WNK2: variants seen among roughly 807,000 people sequenced by gnomAD.
WNK2 encodes serine/threonine-protein kinase WNK2.
Under a neutral mutation model 192.1 loss-of-function variants are expected in WNK2, and 67 were observed. The ratio of observed to expected loss-of-function variants is 0.35; its 90% CI spans 0.29 to 0.43. The LOEUF (loss-of-function observed/expected upper bound fraction) is 0.43, where lower values mean the gene tolerates loss of function less well. Ranked by LOEUF, WNK2 falls within the 20% of genes least tolerant of loss-of-function variation. The pLI is 1.00. For synonymous variants in WNK2, 1,439 were observed against 1,393.9 expected, an observed-to-expected ratio of 1.03 and a Z score of -0.72; for missense variants, 2,698 against 3,089.7, an observed-to-expected ratio of 0.87 and a Z score of 3.01.
intron 9 of WNK2, among the ~76,000 whole-genome samples, chr9:93,254,532 T>C (rs1235593553): frequency 6.6e-6 from 1 of 152,226 alleles, no homozygotes; most frequent in Admixed American, 6.5e-5. Context: ...GAAAGGCCCT[T>C]TGGAAAAGCA....
At chr9:93,319,193 C>T (rs759371907) in intron 29 of WNK2, 1 of 1,613,224 alleles carries the variant, frequency 6.2e-7, no homozygotes. Flanking sequence ...GAAAAATAAA[C>T]ACTTTTGCTC....
At chr9:93,287,555 T>C (rs1455428440) in intron 19 of WNK2, among the ~76,000 whole-genome samples, 1 of 152,242 alleles carries the variant, frequency 6.6e-6, no homozygotes, top group East Asian at 1.9e-4. Flanking sequence ...ACGACCATCA[T>C]GTTTAGACAG....
chr9:93,242,754 G>A (rs916749671), intron 7 of WNK2, among the ~76,000 whole-genome samples: 1 of 152,202 alleles, frequency 6.6e-6, no homozygotes, highest in Non-Finnish European at 1.5e-5. Flanking sequence ...GGAGTCTCAC[G>A]CACAAATGAG....
At chr9:93,253,107 C>T in intron 9 of WNK2, 25 bp downstream of exon 9, 3 of 1,376,736 alleles carry the variant, frequency 2.2e-6, no homozygotes, top group Non-Finnish European at 2.8e-6. Flanking sequence ...CACTCCCACC[C>T]CCTTCCCCAT....
rs113622552 is a variant in WNK2 at position 93,244,445 on chromosome 9, C to T, written c.1543-3098C>T. Reference sequence around the variant, plus strand: ...TGCGCCTGTGTGGCACTCACCATGGCTAAATGTTTTCCTGTTTGGGAAAAA... The same window carrying T: ...TGCGCCTGTGTGGCACTCACCATGGTTAAATGTTTTCCTGTTTGGGAAAAA... On this transcript the variant is annotated intron_variant, in intron 7 of 29. Coordinates refer to ENST00000427277, the MANE Select transcript of WNK2 (RefSeq NM_006648.4). 5.7e-3 allele frequency among the ~76,000 whole-genome samples: 866 copies of T among 152,254 alleles called. 6 individuals carry two copies. Among genetic ancestry groups the T allele is most frequent in the Middle Eastern group, 0.014 (4 of 294 alleles).
intron 12 of WNK2, among the ~76,000 whole-genome samples, chr9:93,260,800 G>A (rs575411753): frequency 6.6e-6 from 1 of 152,230 alleles, no homozygotes; most frequent in Non-Finnish European, 1.5e-5. Context: ...GCAGGTTTCA[G>A]CGGCAGCTCA....
In WNK2 at chr9:93,185,010, G is replaced by T; in HGVS notation, c.81G>T (p.Ala27=). Residue 27 remains alanine, a synonymous_variant, in exon 2 of 30, where the codon GCG becomes GCT. Coordinates refer to ENST00000427277, the MANE Select transcript of WNK2 (RefSeq NM_006648.4). ...PGRGAGPAGM[A]EPRAKAARPG... is the part of the protein sequence containing the mutation. Reference sequence around the variant, plus strand: ...GCGGCGCGGGGCCCGCGGGCATGGCGGAGCCTCGGGCGAAGGCGGCGCGGC... The same window carrying T: ...GCGGCGCGGGGCCCGCGGGCATGGCTGAGCCTCGGGCGAAGGCGGCGCGGC... 3 of 1,248,320 alleles carry T rather than the reference G, an allele frequency of 2.4e-6. No individual in the cohort carries two copies. The highest frequency in any genetic ancestry group is 3.0e-6 in the Non-Finnish European group (3 of 1,001,270). The allele number at this position is 1,248,320 out of a possible 1,614,324, so 77.3% of individuals were successfully genotyped here. A position where few individuals can be genotyped will look rare whatever the true frequency, so the allele number is the denominator to read the frequency against.
chr9:93,308,246 G>C, intron 27 of WNK2, 82 bp from the exon 28 acceptor site: 4 of 1,490,780 alleles, frequency 2.7e-6, no homozygotes, highest in East Asian at 2.5e-5. Context: ...CAGCTGTCAC[G>C]TAAGAATGAA....
chr9:93,212,375 C>A (rs1834955748), intron 2 of WNK2, among the ~76,000 whole-genome samples: 1 of 152,146 alleles, frequency 6.6e-6, no homozygotes, highest in African/African-American at 2.4e-5. Context: ...GGCCCCCCAG[C>A]AGGACAGCAT....
At chr9:93,212,151 C>T (rs540999784) in intron 2 of WNK2, among the ~76,000 whole-genome samples, 1 of 152,360 alleles carries the variant, frequency 6.6e-6, no homozygotes, top group Non-Finnish European at 1.5e-5. Flanking sequence ...TTAATTCATT[C>T]ACCTAATTTT....
chr9:93,274,467 G>A (rs1392753383), intron 19 of WNK2, among the ~76,000 whole-genome samples: 8 of 148,366 alleles, frequency 5.4e-5, no homozygotes, highest in African/African-American at 2.0e-4. Flanking sequence ...AGTCGAGATC[G>A]TGCCACTGCA....
Position 93,239,023 on chromosome 9 carries a change from G to C in WNK2, c.1322+702G>C, listed in dbSNP as rs555504904. Among the ~76,000 whole-genome samples the C allele has an allele frequency of 6.6e-6, 1 of 152,302 alleles. No homozygotes were observed. The highest frequency in any genetic ancestry group is 6.5e-5 in the Admixed American group (1 of 15,300). ...CTGGAGCACACACAGAGGAAGCCAGGCCCCAAAGAGTGCGTGCTGTGTGGT... is the reference window on the plus strand; with the variant it reads ...CTGGAGCACACACAGAGGAAGCCAGCCCCCAAAGAGTGCGTGCTGTGTGGT... On this transcript the variant is annotated intron_variant, in intron 6 of 29. Transcript: ENST00000427277. The surrounding 1 kb of genome is among the most constrained non-coding windows in gnomAD (Gnocchi z 4.2).
In WNK2 at chr9:93,307,815, G is replaced by A. The variant is rs76877353; in HGVS notation, c.6260-513G>A. ...AGGCAGCCCTGGCAGGCATTTTCCC[G>A]TGGGCCAGGGGGCTGCCTGCAGGCC... On this transcript the variant is annotated intron_variant, in intron 27 of 29. Coordinates refer to ENST00000427277, the MANE Select transcript of WNK2 (RefSeq NM_006648.4). The A allele has an allele frequency of 9.8e-3, 1,501 of 153,424 alleles. 22 individuals carry two copies. The highest frequency in any genetic ancestry group is 0.034 in the African/African-American group (1,414 of 41,602). The allele number at this position is 153,424 out of a possible 1,614,324, so 9.5% of individuals were successfully genotyped here.
chr9:93,268,125 G>C, intron 18 of WNK2, 60 bp downstream of exon 18: 6 of 1,555,976 alleles, frequency 3.9e-6, no homozygotes, highest in Non-Finnish European at 5.2e-6. Context: ...TCCCCACTCA[G>C]CATATTACCA....
chr9:93,185,018 G>T lies in WNK2; in HGVS notation c.89G>T (p.Arg30Leu), dbSNP rs1037636243. 2.4e-6 allele frequency: 3 copies of T among 1,251,500 alleles called. No homozygotes were observed. In the African/African-American group the frequency reaches 4.7e-5, roughly 20 times the overall value. The allele number at this position is 1,251,500 out of a possible 1,614,324, so 77.5% of individuals were successfully genotyped here. A position where few individuals can be genotyped will look rare whatever the true frequency, so the allele number is the denominator to read the frequency against. The change falls in exon 2 of 30, where the codon CGG becomes CTG. Residue 30 changes from arginine to leucine, a missense_variant. Physicochemically the swap from Arg to Leu is moderately radical, Grantham distance 102. Around this residue, in one of 7 missense-constraint regions of WNK2, gnomAD observed 260 missense variants for 285.6 expected, o/e 0.91. Coordinates refer to ENST00000427277, the MANE Select transcript of WNK2 (RefSeq NM_006648.4). Reference protein sequence around the residue: ...GAGPAGMAEPRAKAARPGPQR... With the variant: ...GAGPAGMAEPLAKAARPGPQR... ...GGGCCCGCGGGCATGGCGGAGCCTC[G>T]GGCGAAGGCGGCGCGGCCGGGGCCC... is the stretch of plus-strand genomic sequence containing the variant.
chr9:93,256,032 C>CT (rs906560203), intron 9 of WNK2, among the ~76,000 whole-genome samples: 1 of 152,194 alleles, frequency 6.6e-6, no homozygotes, highest in African/African-American at 2.4e-5. Flanking sequence ...TGCAGAGCCT[C>CT]TGTGCTGGCC....
intron 19 of WNK2, among the ~76,000 whole-genome samples, chr9:93,280,685 C>T (rs2133571630): frequency 6.6e-6 from 1 of 152,308 alleles, no homozygotes; most frequent in Non-Finnish European, 1.5e-5. Flanking sequence ...GAAGTCAGAT[C>T]CTTTCCCCAG....
intron 2 of WNK2, among the ~76,000 whole-genome samples, chr9:93,186,510 C>T (rs1441174779): frequency 6.6e-6 from 1 of 152,176 alleles, no homozygotes; most frequent in East Asian, 1.9e-4. Context: ...GTGAGCCAGT[C>T]TGGGAGAGTG....
chr9:93,295,231 C>T lies in WNK2; in HGVS notation c.5708+2058C>T, dbSNP rs117729973. Among the ~76,000 whole-genome samples, 654 of 152,160 alleles carry T rather than the reference C, an allele frequency of 4.3e-3. 7 individuals carry two copies. The highest frequency in any genetic ancestry group is 3.7e-3 in the Non-Finnish European group (250 of 67,990). Reference sequence around the variant, plus strand: ...GAGCTGGACCATGTGGGTGCGGCCTCGGAGCAGAGTTCCAACCTGGATAAG... The same window carrying T: ...GAGCTGGACCATGTGGGTGCGGCCTTGGAGCAGAGTTCCAACCTGGATAAG... On this transcript the variant is annotated intron_variant, in intron 23 of 29. Coordinates refer to ENST00000427277, the MANE Select transcript of WNK2 (RefSeq NM_006648.4).
Sources: allele counts gnomAD v4.1 joint callset (sites outside exome capture counted in the v4.1 genomes callset), GRCh38; gene constraint gnomAD v4.1.1; regional missense constraint gnomAD v4.1.1; non-coding constraint Gnocchi (gnomAD v3.1); transcripts MANE v1.5; gene names NCBI Gene and HGNC (gene_info 2026-07-23, HGNC 2026-07-21).